The following PRUNE2 variants were observed in gnomAD, a reference collection of about 807,000 sequenced individuals.
PRUNE2 encodes the protein prune homolog 2 with BCH domain.
A neutral mutation model predicts 252.0 loss-of-function variants in PRUNE2; 164 were observed. The observed-to-expected ratio is 0.65, with a 90% CI of 0.57 to 0.74. The LOEUF is 0.74. Among genes scored for constraint, PRUNE2 ranks in the 30% least tolerant of loss-of-function variants. The probability of loss-of-function intolerance (pLI) is 0.00; values close to 1 mark genes in which losing one functional copy is unlikely to be tolerated. For synonymous variants in PRUNE2, 1,292 were observed against 1,350.2 expected (o/e 0.96, Z 0.94); for missense variants, 3,495 against 3,711.0 (o/e 0.94, Z 1.51).
chr9:76,708,013 C>T lies in PRUNE2; in HGVS notation c.4261G>A (p.Ala1421Thr), dbSNP rs747133523. 2.5e-6 allele frequency: 4 copies of T among 1,613,902 alleles called. No homozygotes were observed. The highest frequency in any genetic ancestry group is 2.5e-6 in the Non-Finnish European group (3 of 1,179,820). Reference protein sequence around the residue: ...DSRDVQTGMSADNLQPKDTHE... With the variant: ...DSRDVQTGMSTDNLQPKDTHE... ...GTATCTTTTGGCTGCAGGTTATCTG[C>T]GGACATCCCTGTTTGCACATCACGG... is the stretch of plus-strand genomic sequence containing the variant. The change falls in exon 8 of 19, where the codon GCA becomes ACA. Residue 1421 changes from alanine to threonine, a missense_variant. Coordinates refer to ENST00000376718, the MANE Select transcript of PRUNE2 (RefSeq NM_015225.3).
intron 11 of PRUNE2, among the ~76,000 whole-genome samples, chr9:76,650,718 T>C (rs960727535): frequency 1.3e-5 from 2 of 152,246 alleles, no homozygotes; most frequent in Admixed American, 1.3e-4. Flanking sequence ...GTTGTGGCCA[T>C]TAAACTGGTT....
chr9:76,805,632 T>G (rs1264911542), intron 6 of PRUNE2, among the ~76,000 whole-genome samples: 1 of 152,170 alleles, frequency 6.6e-6, no homozygotes, highest in East Asian at 1.9e-4. Context: ...AATTCTGGTG[T>G]GCTATTGTAC....
intron 1 of PRUNE2, among the ~76,000 whole-genome samples, chr9:76,858,572 C>T (rs935612528): frequency 4.6e-5 from 7 of 151,994 alleles, no homozygotes; most frequent in African/African-American, 1.7e-4. Flanking sequence ...AACACATAGA[C>T]ACAGGGAGGG....
intron 6 of PRUNE2, among the ~76,000 whole-genome samples, chr9:76,780,490 A>T (rs917376834): frequency 6.6e-6 from 1 of 152,056 alleles, no homozygotes; most frequent in Non-Finnish European, 1.5e-5. Context: ...GATCAAGACC[A>T]TCCTGGCTAA....
Position 76,709,119 on chromosome 9 carries a change from T to C in PRUNE2, c.3155A>G (p.Glu1052Gly). ...SEINTTHNLDENELKTEHTDG... is the reference protein window; with the variant it reads ...SEINTTHNLDGNELKTEHTDG... ...TGTGTGCTCTGTCTTGAGTTCATTT[T>C]CATCCAGGTTGTGAGTGGTATTTAT... Residue 1052 changes from glutamate (E) to glycine (G), a missense_variant, in exon 8 of 19, where the codon GAA becomes GGA. Coordinates refer to ENST00000376718, the MANE Select transcript of PRUNE2 (RefSeq NM_015225.3). 1.9e-6 allele frequency: 3 copies of C among 1,614,026 alleles called. No homozygotes were observed. The highest frequency in any genetic ancestry group is 2.5e-6 in the Non-Finnish European group (3 of 1,179,892).
At chr9:76,767,569 G>A (rs189737832) in intron 6 of PRUNE2, among the ~76,000 whole-genome samples, 10 of 152,218 alleles carry the variant, frequency 6.6e-5, no homozygotes, top group African/African-American at 2.4e-4. Flanking sequence ...CTATTTTCCA[G>A]AACCTTCGCT....
intron 15 of PRUNE2, among the ~76,000 whole-genome samples, chr9:76,636,224 GT>G (rs761327429): frequency 1.2e-4 from 18 of 151,996 alleles, no homozygotes; most frequent in Non-Finnish European, 2.4e-4. Context: ...TTCATCTTCC[GT>G]GTTTATAGCA....
At chr9:76,791,805 C>A (rs181437052) in intron 6 of PRUNE2, among the ~76,000 whole-genome samples, 120 of 152,242 alleles carry the variant, frequency 7.9e-4, no homozygotes, top group Middle Eastern at 6.8e-3. Flanking sequence ...ACTACCCTGT[C>A]CCCCGACTAG....
At chr9:76,722,861 G>A (rs1485443887) in intron 6 of PRUNE2, among the ~76,000 whole-genome samples, 1 of 152,156 alleles carries the variant, frequency 6.6e-6, no homozygotes, top group Non-Finnish European at 1.5e-5. Flanking sequence ...TTTCACTCCT[G>A]TTTTATCCTT....
chr9:76,661,063 T>G (rs140226207), intron 9 of PRUNE2, among the ~76,000 whole-genome samples: 1 of 152,132 alleles, frequency 6.6e-6, no homozygotes, highest in African/African-American at 2.4e-5. Context: ...ATCTAAACCT[T>G]TGTTGTGTTA....
At chr9:76,804,250 G>T (rs1472436733) in intron 6 of PRUNE2, among the ~76,000 whole-genome samples, 1 of 152,146 alleles carries the variant, frequency 6.6e-6, no homozygotes, top group East Asian at 1.9e-4. Flanking sequence ...AACTGCACGG[G>T]GCACACGGGC....
chr9:76,747,269 A>T (rs1394772376), intron 6 of PRUNE2, among the ~76,000 whole-genome samples: 1 of 152,054 alleles, frequency 6.6e-6, no homozygotes, highest in Non-Finnish European at 1.5e-5. Flanking sequence ...AGCTAGTGAA[A>T]CCCTCCCATT....
intron 1 of PRUNE2, among the ~76,000 whole-genome samples, chr9:76,870,618 G>A (rs1254331265): frequency 2.0e-5 from 3 of 151,582 alleles, no homozygotes; most frequent in African/African-American, 7.3e-5. Flanking sequence ...CCCGGGAGGC[G>A]GAGCTTGCAG....
chr9:76,678,646 G>A (rs1007905238), intron 9 of PRUNE2, among the ~76,000 whole-genome samples: 1 of 151,952 alleles, frequency 6.6e-6, no homozygotes, highest in Non-Finnish European at 1.5e-5. Flanking sequence ...TGGCTAACAC[G>A]GTGAAACCTC....
intron 1 of PRUNE2, among the ~76,000 whole-genome samples, chr9:76,859,579 G>A (rs972430905): frequency 3.3e-5 from 5 of 152,054 alleles, no homozygotes; most frequent in African/African-American, 1.2e-4. Flanking sequence ...ACCGAGAATA[G>A]CAAATATATC....
At chr9:76,896,788 G>A (rs1245245560) in intron 1 of PRUNE2, among the ~76,000 whole-genome samples, 1 of 152,122 alleles carries the variant, frequency 6.6e-6, no homozygotes. Context: ...ATCCATCAAA[G>A]TGGTATTTAA....
Position 76,629,284 on chromosome 9 carries a change from T to G in PRUNE2, c.9057A>C (p.Lys3019Asn), listed in dbSNP as rs758602064. ...TGACATATTTAATTTTACTGCTGAA[T>G]TTTGAACTAAAAAAAAAAAAAAGAA... ...LAVTRPFISSKFSSKIKYVNS... is the reference protein window; with the variant it reads ...LAVTRPFISSNFSSKIKYVNS... The change falls in exon 16 of 19, where the codon AAA becomes AAC. Residue 3019 changes from lysine to asparagine, a missense_variant. Coordinates refer to ENST00000376718, the MANE Select transcript of PRUNE2 (RefSeq NM_015225.3). 2.4e-5 allele frequency: 37 copies of G among 1,528,576 alleles called. No individual in the cohort carries two copies. Among genetic ancestry groups the G allele is most frequent in the Admixed American group, 2.3e-4 (12 of 52,736 alleles). 94.7% of individuals were successfully genotyped at this position (1,528,576 alleles called of 1,614,324 possible).
chr9:76,657,322 C>T (rs1056398844), intron 9 of PRUNE2, among the ~76,000 whole-genome samples: 1 of 152,232 alleles, frequency 6.6e-6, no homozygotes, highest in African/African-American at 2.4e-5. Context: ...TTCTAGTTAT[C>T]TGCCTAAGAG....
chr9:76,745,923 T>G (rs978110388), intron 6 of PRUNE2, among the ~76,000 whole-genome samples: 2 of 152,066 alleles, frequency 1.3e-5, no homozygotes, highest in Non-Finnish European at 2.9e-5. Flanking sequence ...CACCCTCACT[T>G]CCCCTGGTGA....
Sources: allele counts gnomAD v4.1 joint callset (sites outside exome capture counted in the v4.1 genomes callset), GRCh38; gene constraint gnomAD v4.1.1; transcripts MANE v1.5; gene names NCBI Gene and HGNC (gene_info 2026-07-23, HGNC 2026-07-21).